Variants in SLC35F4 observed in about 807,000 individuals in gnomAD.
SLC35F4 encodes solute carrier family 35 member F4.
In SLC35F4, 24 loss-of-function variants were observed where a neutral mutation model predicts 44.2. That is an observed-to-expected ratio of 0.54 (90% CI 0.39 to 0.76). SLC35F4 has a LOEUF of 0.76. Ranked by LOEUF, SLC35F4 falls within the 30% of genes least tolerant of loss-of-function variation. SLC35F4 has a pLI of 0.00. For synonymous variants in SLC35F4, 238 were observed against 223.6 expected (o/e 1.06, Z -0.57); for missense variants, 562 against 586.1 (o/e 0.96, Z 0.42).
chr14:57,805,937 T>A (rs1479132616), intron 1 of SLC35F4, among the ~76,000 whole-genome samples: 1 of 152,204 alleles, frequency 6.6e-6, no homozygotes, highest in South Asian at 2.1e-4. Context: ...TGGAATATTC[T>A]CAGAATTGTT....
chr14:57,764,344 A>G (rs2077189994), intron 1 of SLC35F4, among the ~76,000 whole-genome samples: 1 of 152,162 alleles, frequency 6.6e-6, no homozygotes, highest in Non-Finnish European at 1.5e-5. Context: ...TGGTTTATCT[A>G]TCTGTAAGTT....
chr14:57,805,686 A>G (rs1011170101), intron 1 of SLC35F4, among the ~76,000 whole-genome samples: 2 of 152,180 alleles, frequency 1.3e-5, no homozygotes, highest in African/African-American at 4.8e-5. Flanking sequence ...CTTAATACTT[A>G]GGTGATGGGA....
intron 1 of SLC35F4, among the ~76,000 whole-genome samples, chr14:57,663,755 T>A (rs1410872071): frequency 6.6e-6 from 1 of 152,214 alleles, no homozygotes; most frequent in East Asian, 1.9e-4. Context: ...GAAATCAGGC[T>A]GCTGGGCCCT....
chr14:57,810,662 C>T (rs1318611007), intron 1 of SLC35F4, among the ~76,000 whole-genome samples: 4 of 152,338 alleles, frequency 2.6e-5, no homozygotes, highest in African/African-American at 7.2e-5. Context: ...TGTATAGCCC[C>T]TTCTTTGACC....
intron 1 of SLC35F4, among the ~76,000 whole-genome samples, chr14:57,695,685 G>A (rs1011195683): frequency 2.0e-5 from 3 of 152,154 alleles, no homozygotes; most frequent in Non-Finnish European, 4.4e-5. Context: ...ATACCTAAGG[G>A]ATTATAAATC....
At chr14:57,981,023 A>G (rs1287344069) in intron 1 of SLC35F4, among the ~76,000 whole-genome samples, 1 of 152,080 alleles carries the variant, frequency 6.6e-6, no homozygotes, top group Non-Finnish European at 1.5e-5. Flanking sequence ...GTATGCATCA[A>G]TGGAGAAGAA....
intron 1 of SLC35F4, among the ~76,000 whole-genome samples, chr14:57,894,047 AT>A (rs2141040882): frequency 6.6e-6 from 1 of 152,288 alleles, no homozygotes; most frequent in Admixed American, 6.5e-5. Context: ...CCAAAGTTAC[AT>A]TAGCCAATTC....
chr14:57,845,653 T>C (rs940112218), intron 1 of SLC35F4, among the ~76,000 whole-genome samples: 3 of 152,268 alleles, frequency 2.0e-5, no homozygotes, highest in Admixed American at 2.0e-4. Context: ...TTCTCATTCC[T>C]GATTTTCTTC....
At chr14:57,564,977 A>T (rs1034117386) in intron 7 of SLC35F4, among the ~76,000 whole-genome samples, 1 of 152,180 alleles carries the variant, frequency 6.6e-6, no homozygotes, top group Non-Finnish European at 1.5e-5. Flanking sequence ...TAGTTATTTT[A>T]TATAAATGGA....
intron 1 of SLC35F4, among the ~76,000 whole-genome samples, chr14:57,638,854 C>A (rs1418662707): frequency 6.6e-6 from 1 of 152,012 alleles, no homozygotes. Flanking sequence ...CAGAGGTCCC[C>A]TATCAAGAGG....
intron 1 of SLC35F4, among the ~76,000 whole-genome samples, chr14:57,594,370 G>A (rs577375347): frequency 2.0e-5 from 3 of 152,132 alleles, no homozygotes; most frequent in East Asian, 1.9e-4. Flanking sequence ...TGTATTTTTT[G>A]TAGAGACAGG....
chr14:57,765,623 C>T (rs749578819), intron 1 of SLC35F4, among the ~76,000 whole-genome samples: 1 of 152,168 alleles, frequency 6.6e-6, no homozygotes, highest in African/African-American at 2.4e-5. Context: ...ATTCAAATTA[C>T]ATTTAAAAAT....
intron 1 of SLC35F4, among the ~76,000 whole-genome samples, chr14:57,921,363 A>T (rs989775659): frequency 6.6e-6 from 1 of 152,198 alleles, no homozygotes; most frequent in Non-Finnish European, 1.5e-5. Flanking sequence ...GAAAAGGGCT[A>T]AACCTGGGCT....
intron 1 of SLC35F4, among the ~76,000 whole-genome samples, chr14:57,959,593 G>A (rs758622543): frequency 6.6e-6 from 1 of 152,150 alleles, no homozygotes; most frequent in Non-Finnish European, 1.5e-5. Flanking sequence ...CCCTAGCCAT[G>A]ACAAATGTGA....
At chr14:57,598,057 C>T (rs1406858225) in intron 1 of SLC35F4, among the ~76,000 whole-genome samples, 5 of 152,102 alleles carry the variant, frequency 3.3e-5, no homozygotes, top group South Asian at 2.1e-4. Flanking sequence ...AGGAGCTTAG[C>T]GACCTACAGG....
At chr14:57,762,702 A>G (rs1485003282) in intron 1 of SLC35F4, among the ~76,000 whole-genome samples, 1 of 152,150 alleles carries the variant, frequency 6.6e-6, no homozygotes. Flanking sequence ...TCTTGATAAA[A>G]GGATGAGTTC....
At chr14:57,691,885 C>G (rs2075243920) in intron 1 of SLC35F4, among the ~76,000 whole-genome samples, 1 of 152,134 alleles carries the variant, frequency 6.6e-6, no homozygotes, top group South Asian at 2.1e-4. Context: ...TCAGTGAGAT[C>G]AATCTTGCAG....
intron 1 of SLC35F4, among the ~76,000 whole-genome samples, chr14:57,917,929 C>CT (rs1889362437): frequency 6.6e-6 from 1 of 152,162 alleles, no homozygotes; most frequent in Non-Finnish European, 1.5e-5. Flanking sequence ...CCCTCCTCAC[C>CT]TTTAGCTGTG....
At chr14:57,747,846 AG>A (rs1189390713) in intron 1 of SLC35F4, among the ~76,000 whole-genome samples, 1 of 152,242 alleles carries the variant, frequency 6.6e-6, no homozygotes, top group Non-Finnish European at 1.5e-5. Flanking sequence ...CAGCTGCCAA[AG>A]GCAGAGGCCC....
Sources: gnomAD v4.1 joint callset for allele counts (sites outside exome capture counted in the v4.1 genomes callset) on GRCh38, gnomAD v4.1.1 for gene constraint, MANE v1.5 for transcripts, NCBI Gene and HGNC (gene_info 2026-07-23, HGNC 2026-07-21) for gene names.